Variants in AGBL4 observed in about 807,000 individuals in gnomAD.
The protein encoded by AGBL4 is cytosolic carboxypeptidase 6.
A neutral mutation model predicts 66.4 loss-of-function variants in AGBL4; 58 were observed. The ratio of observed to expected loss-of-function variants is 0.87; its 90% confidence interval spans 0.71 to 1.09. The LOEUF (loss-of-function observed/expected upper bound fraction) is 1.09. Among genes scored for constraint, AGBL4 ranks in the 50% least tolerant of loss-of-function variants. AGBL4 has a pLI of 0.00. For synonymous variants in AGBL4, 234 were observed against 222.9 expected, an observed-to-expected ratio of 1.05 and a Z score of -0.44; for missense variants, 579 against 631.0, an observed-to-expected ratio of 0.92 and a Z score of 0.88.
At chr1:49,407,894 T>C (rs1193060326) in intron 3 of AGBL4, among the ~76,000 whole-genome samples, 8 of 152,122 alleles carry the variant, frequency 5.3e-5, no homozygotes, top group African/African-American at 1.7e-4. Flanking sequence ...ATAACCCAGG[T>C]CTGTATTTAA....
At chr1:49,559,839 G>A (rs1206433126) in intron 3 of AGBL4, among the ~76,000 whole-genome samples, 1 of 152,108 alleles carries the variant, frequency 6.6e-6, no homozygotes, top group Non-Finnish European at 1.5e-5. Context: ...TCAGCTTGCA[G>A]ACAGCCTATT....
chr1:49,654,945 G>A (rs1233354996), intron 3 of AGBL4, among the ~76,000 whole-genome samples: 1 of 152,158 alleles, frequency 6.6e-6, no homozygotes, highest in Non-Finnish European at 1.5e-5. Flanking sequence ...ATTGTTATGT[G>A]TGAATTTGAT....
At chr1:48,918,080 T>C (rs1433447010) in intron 5 of AGBL4, among the ~76,000 whole-genome samples, 1 of 152,130 alleles carries the variant, frequency 6.6e-6, no homozygotes, top group African/African-American at 2.4e-5. Flanking sequence ...GCCTGGGAGA[T>C]AAACAGATCA....
chr1:48,868,763 C>G (rs146944339), intron 5 of AGBL4, among the ~76,000 whole-genome samples: 38 of 152,262 alleles, frequency 2.5e-4, no homozygotes, highest in Admixed American at 8.5e-4. Flanking sequence ...AATGTCCCCA[C>G]CAATTGTATA....
chr1:49,307,086 A>C (rs1644861196), intron 3 of AGBL4, among the ~76,000 whole-genome samples: 1 of 152,206 alleles, frequency 6.6e-6, no homozygotes, highest in African/African-American at 2.4e-5. Flanking sequence ...TAAAGTTGGA[A>C]AGAAAAATTT....
At chr1:49,640,708 C>T (rs1431371355) in intron 3 of AGBL4, among the ~76,000 whole-genome samples, 5 of 152,088 alleles carry the variant, frequency 3.3e-5, no homozygotes, top group African/African-American at 1.2e-4. Flanking sequence ...CATAGAAGGC[C>T]TTGGAGAGAT....
chr1:49,534,948 T>C (rs977253147), intron 3 of AGBL4, among the ~76,000 whole-genome samples: 7 of 152,152 alleles, frequency 4.6e-5, no homozygotes, highest in African/African-American at 7.2e-5. Flanking sequence ...AAATTGGAAA[T>C]AACCTCTTTA....
intron 4 of AGBL4, among the ~76,000 whole-genome samples, chr1:49,186,833 A>C (rs1036440894): frequency 2.6e-5 from 4 of 152,308 alleles, no homozygotes; most frequent in East Asian, 1.9e-4. Flanking sequence ...AATGGGCATA[A>C]CTGGATGGTT....
intron 1 of AGBL4, among the ~76,000 whole-genome samples, chr1:49,953,405 C>T (rs76976294): frequency 0.053 from 8,078 of 151,908 alleles, 239 homozygotes; most frequent in African/African-American, 0.071. Flanking sequence ...AGATATAATT[C>T]ATCAAACATA....
intron 5 of AGBL4, among the ~76,000 whole-genome samples, chr1:48,868,198 C>G (rs1324728619): frequency 1.3e-5 from 2 of 152,170 alleles, no homozygotes; most frequent in Non-Finnish European, 2.9e-5. Context: ...AGAGTCATTG[C>G]TCTAGATTAC....
In AGBL4 at chr1:50,007,135, A is replaced by C. The variant is rs551209962; in HGVS notation, c.34+16628T>G. 1.1e-4 allele frequency among the ~76,000 whole-genome samples: 17 copies of C among 152,324 alleles called. No homozygotes were observed. In the South Asian group the frequency reaches 1.9e-3, roughly 17 times the overall value. On this transcript the variant is annotated intron_variant, in intron 1 of 13. Transcript: ENST00000371839. ...TCTTTGCTTGTTTGTTTATGCAATC[A>C]GTGTTAAGTTGTCATTAGTTTAAAA...
chr1:48,978,819 C>A (rs1039740837), intron 5 of AGBL4, among the ~76,000 whole-genome samples: 1 of 152,122 alleles, frequency 6.6e-6, no homozygotes, highest in African/African-American at 2.4e-5. Flanking sequence ...CTCGACAAGG[C>A]AATGGCTAAA....
At chr1:49,902,734 G>A (rs185410056) in intron 1 of AGBL4, among the ~76,000 whole-genome samples, 26 of 152,216 alleles carry the variant, frequency 1.7e-4, no homozygotes, top group African/African-American at 5.5e-4. Flanking sequence ...GCAACAGAGC[G>A]AGACTCTGTC....
intron 3 of AGBL4, among the ~76,000 whole-genome samples, chr1:49,663,328 C>A (rs1262874579): frequency 6.6e-6 from 1 of 152,110 alleles, no homozygotes; most frequent in Non-Finnish European, 1.5e-5. Flanking sequence ...GCAACTAATT[C>A]TTGCCAATGG....
At chr1:49,158,795 TGCA>T (rs1229989501) in intron 4 of AGBL4, among the ~76,000 whole-genome samples, 1 of 151,876 alleles carries the variant, frequency 6.6e-6, no homozygotes, top group Admixed American at 6.6e-5. Flanking sequence ...CTCTTCTTGT[TGCA>T]GATCCCTTTA....
At chr1:48,880,210 T>A (rs771312077) in intron 5 of AGBL4, among the ~76,000 whole-genome samples, 4 of 152,200 alleles carry the variant, frequency 2.6e-5, no homozygotes, top group Non-Finnish European at 5.9e-5. Context: ...AGTGAGAACA[T>A]GTGATGTTTG....
intron 1 of AGBL4, among the ~76,000 whole-genome samples, chr1:49,880,936 T>C (rs916892220): frequency 2.0e-5 from 3 of 152,200 alleles, no homozygotes; most frequent in African/African-American, 7.2e-5. Flanking sequence ...GGTGCGTCCG[T>C]CACCCCTTTC....
intron 3 of AGBL4, among the ~76,000 whole-genome samples, chr1:49,481,245 A>T (rs1485861397): frequency 6.6e-6 from 1 of 152,016 alleles, no homozygotes; most frequent in South Asian, 2.1e-4. Context: ...AACAATAATG[A>T]TTCTTTCTAT....
At chr1:49,327,302 T>C (rs958401713) in intron 3 of AGBL4, among the ~76,000 whole-genome samples, 1 of 152,210 alleles carries the variant, frequency 6.6e-6, no homozygotes, top group Non-Finnish European at 1.5e-5. Flanking sequence ...CTTATCTGCA[T>C]CTCAGTTCTC....
Sources: gnomAD v4.1 joint callset for allele counts (sites outside exome capture counted in the v4.1 genomes callset) on GRCh38, gnomAD v4.1.1 for gene constraint, MANE v1.5 for transcripts, NCBI Gene and HGNC (gene_info 2026-07-23, HGNC 2026-07-21) for gene names.